The following NKAIN2 variants were observed in gnomAD, a reference collection of about 807,000 sequenced individuals.
NKAIN2 encodes sodium/potassium-transporting ATPase subunit beta-1-interacting protein 2.
In NKAIN2, 14 loss-of-function variants were observed where a neutral mutation model predicts 32.6. The observed-to-expected ratio is 0.43, with a 90% CI of 0.28 to 0.67. NKAIN2 has a LOEUF of 0.67. NKAIN2 is among the 30% of genes least tolerant of loss of function. NKAIN2 has a pLI of 0.17. For missense variants in NKAIN2, 198 were observed against 258.3 expected, an observed-to-expected ratio of 0.77 and a Z score of 1.60; for synonymous variants, 80 against 87.2, an observed-to-expected ratio of 0.92 and a Z score of 0.46.
At chr6:124,414,956 A>G (rs1575346) in intron 3 of NKAIN2, among the ~76,000 whole-genome samples, 59,796 of 150,478 alleles carry the variant, frequency 0.4, 13,726 homozygotes, top group South Asian at 0.6. Flanking sequence ...AAAAAGAATC[A>G]TCTTGAGGTT....
chr6:124,224,890 T>C (rs1409285629), intron 1 of NKAIN2, among the ~76,000 whole-genome samples: 2 of 152,062 alleles, frequency 1.3e-5, no homozygotes, highest in African/African-American at 4.8e-5. Flanking sequence ...GGCTATTTAT[T>C]GAACAGGAAT....
At chr6:124,418,971 G>T (rs538155220) in intron 3 of NKAIN2, among the ~76,000 whole-genome samples, 1 of 152,094 alleles carries the variant, frequency 6.6e-6, no homozygotes, top group South Asian at 2.1e-4. Context: ...AATATTTTTG[G>T]CCTAAGAAGG....
intron 1 of NKAIN2, among the ~76,000 whole-genome samples, chr6:124,133,840 G>A (rs566956144): frequency 4.0e-5 from 6 of 151,890 alleles, no homozygotes; most frequent in South Asian, 2.1e-4. Context: ...TGATCCTTAC[G>A]AGGGGAAAAA....
intron 1 of NKAIN2, among the ~76,000 whole-genome samples, chr6:123,936,571 C>T (rs901179652): frequency 5.3e-5 from 8 of 151,870 alleles, no homozygotes; most frequent in African/African-American, 1.9e-4. Flanking sequence ...TATAATTTAA[C>T]GAAGATACAA....
intron 1 of NKAIN2, among the ~76,000 whole-genome samples, chr6:123,987,787 C>A (rs71574841): frequency 6.6e-6 from 1 of 152,008 alleles, no homozygotes; most frequent in Admixed American, 6.6e-5. Flanking sequence ...TCCCCCTCCC[C>A]CTTCTTCTCT....
intron 1 of NKAIN2, among the ~76,000 whole-genome samples, chr6:123,828,448 A>G (rs890595445): frequency 1.3e-5 from 2 of 152,214 alleles, no homozygotes; most frequent in African/African-American, 4.8e-5. Flanking sequence ...AGTGTTTGGC[A>G]TTCTGGAAGG....
chr6:123,998,332 G>A (rs910863459), intron 1 of NKAIN2, among the ~76,000 whole-genome samples: 8 of 151,994 alleles, frequency 5.3e-5, no homozygotes, highest in Admixed American at 2.6e-4. Context: ...GAAGTTTTAT[G>A]TACTATTTTA....
At chr6:124,766,002 G>A (rs1158499342) in intron 4 of NKAIN2, among the ~76,000 whole-genome samples, 1 of 152,144 alleles carries the variant, frequency 6.6e-6, no homozygotes, top group Non-Finnish European at 1.5e-5. Flanking sequence ...AAGCTATCTA[G>A]ATAATGGCTA....
intron 3 of NKAIN2, among the ~76,000 whole-genome samples, chr6:124,363,655 A>G (rs1562515562): frequency 6.6e-6 from 1 of 152,220 alleles, no homozygotes; most frequent in Admixed American, 6.6e-5. Flanking sequence ...CTGAAGAACA[A>G]GCCAGGGGCA....
intron 1 of NKAIN2, among the ~76,000 whole-genome samples, chr6:124,075,186 C>A (rs1013796788): frequency 2.6e-5 from 4 of 152,110 alleles, no homozygotes; most frequent in African/African-American, 4.8e-5. Flanking sequence ...TATTGGAAAA[C>A]TTCTCCTACC....
intron 1 of NKAIN2, among the ~76,000 whole-genome samples, chr6:124,095,082 T>G (rs1784597039): frequency 6.6e-6 from 1 of 152,148 alleles, no homozygotes; most frequent in Admixed American, 6.6e-5. Flanking sequence ...GAAATTCTTC[T>G]TCAAAAGTAG....
rs3053601 is a variant in NKAIN2 at position 124,568,822 on chromosome 6, CAAAAAAAAAA to C, written c.274-89349_274-89340del. 7.0e-3 allele frequency among the ~76,000 whole-genome samples: 566 copies of C among 80,516 alleles called. 3 individuals carry two copies. The highest frequency in any genetic ancestry group is 0.015 in the Middle Eastern group (2 of 134). The allele number at this position is 80,516 out of a possible 152,430, so 52.8% of individuals were successfully genotyped here. The stretch of plus-strand genomic sequence containing the variant: ...TATTATTGCTAGAAAAGCACTGTGG[CAAAAAAAAAA>C]AAAAAAAAAAAAAAGGAACTGCCTG... On this transcript the variant is annotated intron_variant, in intron 3 of 6. Transcript: ENST00000368417.
chr6:123,987,304 A>G (rs888881808), intron 1 of NKAIN2, among the ~76,000 whole-genome samples: 5 of 152,174 alleles, frequency 3.3e-5, no homozygotes, highest in Non-Finnish European at 5.9e-5. Context: ...GTTAGATAGA[A>G]AAAGTATGTA....
At chr6:123,860,753 A>G (rs1775756122) in intron 1 of NKAIN2, among the ~76,000 whole-genome samples, 1 of 152,150 alleles carries the variant, frequency 6.6e-6, no homozygotes, top group African/African-American at 2.4e-5. Context: ...GAAGCTTTTT[A>G]TATATGAAAA....
intron 4 of NKAIN2, among the ~76,000 whole-genome samples, chr6:124,725,660 C>A (rs1776248240): frequency 6.6e-6 from 1 of 152,082 alleles, no homozygotes; most frequent in South Asian, 2.1e-4. Flanking sequence ...GTTTAAACTC[C>A]AGAACGATAT....
At chr6:124,732,763 A>G (rs1776747326) in intron 4 of NKAIN2, among the ~76,000 whole-genome samples, 1 of 152,012 alleles carries the variant, frequency 6.6e-6, no homozygotes, top group East Asian at 1.9e-4. Flanking sequence ...TTATATTGTG[A>G]ATATTCTTAG....
At chr6:123,871,246 C>T (rs1051476125) in intron 1 of NKAIN2, among the ~76,000 whole-genome samples, 1 of 152,122 alleles carries the variant, frequency 6.6e-6, no homozygotes, top group East Asian at 1.9e-4. Flanking sequence ...TTCTCTTTGG[C>T]TTTGGTTCCC....
At chr6:123,812,624 T>C in intron 1 of NKAIN2, among the ~76,000 whole-genome samples, 1 of 152,304 alleles carries the variant, frequency 6.6e-6, no homozygotes, top group East Asian at 1.9e-4. Context: ...GGAGAGGGCA[T>C]TTGCAGAAGC....
At chr6:124,451,639 T>C (rs1776112230) in intron 3 of NKAIN2, among the ~76,000 whole-genome samples, 1 of 152,166 alleles carries the variant, frequency 6.6e-6, no homozygotes, top group South Asian at 2.1e-4. Flanking sequence ...AACTTGGAGA[T>C]AATATCAGTG....
Sources: gnomAD v4.1 joint callset for allele counts (sites outside exome capture counted in the v4.1 genomes callset) on GRCh38, gnomAD v4.1.1 for gene constraint, MANE v1.5 for transcripts, NCBI Gene and HGNC (gene_info 2026-07-23, HGNC 2026-07-21) for gene names.